Variants in TNRC6A observed in about 807,000 individuals in gnomAD.
The protein encoded by TNRC6A is trinucleotide repeat containing adaptor 6A.
Under a neutral mutation model 221.2 loss-of-function variants are expected in TNRC6A, and 44 were observed. The ratio of observed to expected loss-of-function variants is 0.20; its 90% confidence interval spans 0.16 to 0.26. TNRC6A has a LOEUF of 0.26. TNRC6A is among the 10% of genes least tolerant of loss of function. The pLI is 1.00. For missense variants in TNRC6A, 2,199 were observed against 2,404.4 expected, an observed-to-expected ratio of 0.91 and a Z score of 1.79; for synonymous variants, 847 against 838.5, an observed-to-expected ratio of 1.01 and a Z score of -0.18.
intron 15 of TNRC6A, 74 bp downstream of exon 15, chr16:24,805,807 C>A: frequency 6.3e-7 from 1 of 1,587,108 alleles, no homozygotes; most frequent in South Asian, 1.1e-5. Flanking sequence ...AGACTCTGTG[C>A]GGGACATAGT....
At chr16:24,679,955 T>C (rs117506130) in intron 2 of TNRC6A, among the ~76,000 whole-genome samples, 2 of 152,300 alleles carry the variant, frequency 1.3e-5, no homozygotes, top group Non-Finnish European at 2.9e-5. Context: ...CTCCAGGATA[T>C]CATCCATGTA....
rs1239527317 is a variant in TNRC6A, at chr16:24,806,267, C to T, written c.4313C>T (p.Pro1438Leu). ...AGAAGCGTGCCTTCTGGGAACCGGC[C>T]GCAGCAAGACCAGCAGGTAGAGCCC... ...SQRSVPSGNR[P>L]QQDQQGRPLS... The change falls in exon 16 of 25, where the codon CCG becomes CTG. Residue 1438 changes from proline to leucine, a missense_variant. Physicochemically the swap from Pro to Leu is moderately conservative, Grantham distance 98. Transcript: ENST00000395799. 4 of 1,614,112 alleles carry T rather than the reference C, an allele frequency of 2.5e-6. No individual in the cohort carries two copies. Among genetic ancestry groups the T allele is most frequent in the South Asian group, 2.2e-5 (2 of 91,082 alleles).
chr16:24,804,787 T>C lies in TNRC6A; in HGVS notation c.3920T>C (p.Leu1307Pro). The C allele has an allele frequency of 1.9e-6, 3 of 1,602,912 alleles. No homozygotes were observed. The highest frequency in any genetic ancestry group is 2.2e-5 in the East Asian group (1 of 44,818). The change falls in exon 13 of 25, where the codon CTA (leucine) becomes CCA (proline). Residue 1307 changes from leucine to proline, a missense_variant. Transcript: ENST00000395799. ...SMKLPPSNSA[L>P]PNQALGSIAG... ...AAGCTTCCCCCTTCAAATAGTGCAC[T>C]ACCTAACCAGGCCCTTGGCTCCATA...
At chr16:24,665,792 CAAGAATTATTG>C (rs1567337874) in intron 2 of TNRC6A, among the ~76,000 whole-genome samples, 1 of 152,146 alleles carries the variant, frequency 6.6e-6, no homozygotes, top group East Asian at 1.9e-4. Context: ...TACTGCCTTG[CAAGAATTATTG>C]AAGTTGTCAC....
intron 7 of TNRC6A, 134 bp from the exon 8 acceptor site, chr16:24,794,410 A>G: frequency 1.3e-6 from 1 of 782,656 alleles, no homozygotes; most frequent in Non-Finnish European, 1.9e-6. Context: ...TTCTGTGCAG[A>G]TGCAGGAAGG....
In TNRC6A at chr16:24,794,666, G is replaced by A. The variant is rs1433503363; in HGVS notation, c.3475G>A (p.Glu1159Lys). The change falls in exon 8 of 25, where the codon GAG becomes AAG. Residue 1159 changes from glutamate to lysine, a missense_variant. This residue lies in a region of TNRC6A where 1,405 missense variants were observed against 1,400.2 expected (regional missense o/e 1.00). Transcript: ENST00000395799. ...AATGTGGAATAGTAATTCATCTCAA[G>A]AGCTTAACTCATCTTTAAATTGGCC... Reference protein sequence around the residue: ...IGMWNSNSSQELNSSLNWPPY... With the variant: ...IGMWNSNSSQKLNSSLNWPPY... The A allele has an allele frequency of 6.2e-7, 1 of 1,613,786 alleles. No individual in the cohort carries two copies.
At position 24,777,212 on chromosome 16, in the gene TNRC6A, T is replaced by C. The variant is rs754610017; in HGVS notation, c.443T>C (p.Leu148Pro). ...PRFRHQEHKQ[L>P]LKRGQHFPVI... ...TTTCGCCACCAGGAACACAAACAGC[T>C]TCTAAAGAGGGGTCAGCATTTTCCT... The change falls in exon 5 of 25, where the codon CTT (leucine) becomes CCT (proline). Residue 148 changes from leucine to proline, a missense_variant. Physicochemically the swap from Leu to Pro is moderately conservative, Grantham distance 98. Coordinates refer to ENST00000395799, the MANE Select transcript of TNRC6A (RefSeq NM_014494.4). The C allele has an allele frequency of 6.2e-7, 1 of 1,614,122 alleles. No homozygotes were observed. Among genetic ancestry groups the C allele is most frequent in the East Asian group, 2.2e-5 (1 of 44,876 alleles).
In TNRC6A at chr16:24,700,477, G is replaced by A. The variant is rs935857986; in HGVS notation, n.403-50249G>A. On this transcript the variant is annotated intron_variant and non_coding_transcript_variant, in intron 2 of 2. Transcript: ENST00000566108. Reference sequence around the variant, plus strand: ...CTTACGAACTCCTAACCTCAGATGAGCCTCCCCCCTTGACCTCTCAAAGTT... The same window carrying A: ...CTTACGAACTCCTAACCTCAGATGAACCTCCCCCCTTGACCTCTCAAAGTT... 3.3e-5 allele frequency among the ~76,000 whole-genome samples: 5 copies of A among 151,996 alleles called. 1 individual carries two copies. Among genetic ancestry groups the A allele is most frequent in the African/African-American group, 1.2e-4 (5 of 41,396 alleles).
In TNRC6A at chr16:24,808,794, T is replaced by C. The variant is rs2152016573; in HGVS notation, c.4541-556T>C. Among the ~76,000 whole-genome samples the C allele has an allele frequency of 2.0e-5, 3 of 152,276 alleles. No homozygotes were observed. In the Middle Eastern group the frequency reaches 0.01, roughly 521 times the overall value. On this transcript the variant is annotated intron_variant, in intron 17 of 24. Coordinates refer to ENST00000395799, the MANE Select transcript of TNRC6A (RefSeq NM_014494.4). ...GAAAGTCTTCATTTTTAAACAAGCG[T>C]TTTAGGTGATTCTAATATTAATAGT...
chr16:24,804,906 A>T (rs547485799), intron 13 of TNRC6A, 55 bp downstream of exon 13: 3 of 1,613,534 alleles, frequency 1.9e-6, no homozygotes, highest in Non-Finnish European at 2.5e-6. Flanking sequence ...ATTAGTAATA[A>T]GATCTCTCTT....
At chr16:24,648,543 T>C (rs975540608) in intron 2 of TNRC6A, among the ~76,000 whole-genome samples, 1 of 152,164 alleles carries the variant, frequency 6.6e-6, no homozygotes, top group African/African-American at 2.4e-5. Context: ...GTGCTGGGAT[T>C]ACAGGCGTGA....
intron 22 of TNRC6A, 111 bp downstream of exon 22, chr16:24,820,471 T>C (rs2058746058): frequency 1.1e-6 from 1 of 939,102 alleles, no homozygotes; most frequent in East Asian, 2.6e-5. Context: ...CTCACCTCCA[T>C]CAGGGGGAAT....
At chr16:24,614,457 A>G (rs957681883) in intron 1 of TNRC6A, among the ~76,000 whole-genome samples, 1 of 152,234 alleles carries the variant, frequency 6.6e-6, no homozygotes, top group Non-Finnish European at 1.5e-5. Flanking sequence ...CTGAAAGCCA[A>G]GAGGAAATTT....
intron 2 of TNRC6A, among the ~76,000 whole-genome samples, chr16:24,685,851 T>C (rs1054542559): frequency 1.1e-4 from 16 of 152,200 alleles, no homozygotes; most frequent in Non-Finnish European, 1.5e-5. Flanking sequence ...ATCCAAAATG[T>C]GTAGAAATGT....
At chr16:24,745,701 GC>G (rs746282932) in intron 2 of TNRC6A, among the ~76,000 whole-genome samples, 3 of 151,684 alleles carry the variant, frequency 2.0e-5, no homozygotes, top group Non-Finnish European at 2.9e-5. Flanking sequence ...GCATGCAGTG[GC>G]ACAATCATAG....
At chr16:24,765,558 G>A (rs757009090) in intron 4 of TNRC6A, among the ~76,000 whole-genome samples, 2 of 152,078 alleles carry the variant, frequency 1.3e-5, no homozygotes, top group Non-Finnish European at 2.9e-5. Flanking sequence ...AATGTGCTAC[G>A]GTGGTTTTTT....
chr16:24,774,023 C>T (rs1474364927), intron 4 of TNRC6A, among the ~76,000 whole-genome samples: 1 of 152,110 alleles, frequency 6.6e-6, no homozygotes, highest in Non-Finnish European at 1.5e-5. Flanking sequence ...TATTTAGCAT[C>T]CTAGTTTGCA....
rs1054864151 is a variant in TNRC6A at position 24,773,688 on chromosome 16, G to A, written c.164-3245G>A. Among the ~76,000 whole-genome samples, 26 of 152,094 alleles carry A rather than the reference G, an allele frequency of 1.7e-4. No homozygotes were observed. The East Asian group carries it at 4.6e-3, about 27-fold the overall frequency. On this transcript the variant is annotated intron_variant, in intron 4 of 24. Coordinates refer to ENST00000395799, the MANE Select transcript of TNRC6A (RefSeq NM_014494.4). ...TATTTTGCATGTTTTGGTATTATGA[G>A]GCTTGGCATATGAAAGTGCTTAATT...
Position 24,823,050 on chromosome 16 carries a change from A to G in TNRC6A, c.5513+37A>G. 6.2e-7 allele frequency: 1 copy of G among 1,613,762 alleles called. No homozygotes were observed. On this transcript the variant is annotated intron_variant, in intron 24 of 24. Transcript: ENST00000395799. This position sits in a 1 kb window ranked among gnomAD's most constrained non-coding sequence, Gnocchi z 4.3. ...GTTGGGCTCCCAGTTGGAAGAGTCT[A>G]GGGGAAGGAGTGTGAGAGCACAGCC...
Sources: allele counts gnomAD v4.1 joint callset (sites outside exome capture counted in the v4.1 genomes callset), GRCh38; gene constraint gnomAD v4.1.1; regional missense constraint gnomAD v4.1.1; non-coding constraint Gnocchi (gnomAD v3.1); transcripts MANE v1.5; gene names NCBI Gene and HGNC (gene_info 2026-07-23, HGNC 2026-07-21).